Variants in TSPAN16 observed in about 807,000 individuals in gnomAD.
TSPAN16 encodes the protein tetraspanin-16.
Under a neutral mutation model 25.2 loss-of-function variants are expected in TSPAN16, and 23 were observed. That is an observed-to-expected ratio of 0.91 (90% CI 0.66 to 1.29). TSPAN16 has a LOEUF of 1.29. TSPAN16 is among the 50% of genes most tolerant of loss of function. TSPAN16 has a pLI of 0.00. For missense variants in TSPAN16, 272 were observed against 299.9 expected, an observed-to-expected ratio of 0.91 and a Z score of 0.69; for synonymous variants, 123 against 124.4, an observed-to-expected ratio of 0.99 and a Z score of 0.08.
downstream of TSPAN16, among the ~76,000 whole-genome samples, chr19:11,319,057 C>T (rs972582355): frequency 6.6e-6 from 1 of 152,216 alleles, no homozygotes; most frequent in African/African-American, 2.4e-5. Flanking sequence ...CAATTCAGTT[C>T]TGACACCAAT....
chr19:11,307,100 A>C (rs756445160), intron 5 of TSPAN16, among the ~76,000 whole-genome samples: 85 of 150,474 alleles, frequency 5.6e-4, no homozygotes, highest in South Asian at 1.3e-3. Flanking sequence ...GAGCTACTGT[A>C]CCCAGCCTTT....
chr19:11,300,960 T>C (rs2080539249), intron 3 of TSPAN16: 1 of 398,688 alleles, frequency 2.5e-6, no homozygotes, highest in Non-Finnish European at 4.7e-6. Flanking sequence ...TCGTGTGCGA[T>C]GGGTACAGAG....
downstream of TSPAN16, among the ~76,000 whole-genome samples, chr19:11,318,956 C>CT (rs891985168): frequency 1.4e-4 from 21 of 152,266 alleles, no homozygotes; most frequent in African/African-American, 4.3e-4. Flanking sequence ...CAGAAATAAA[C>CT]TTTTTTACCC....
Position 11,301,285 on chromosome 19 carries a change from C to A in TSPAN16, c.427C>A (p.Gln143Lys), listed in dbSNP as rs545360585. The A allele has an allele frequency of 1.2e-6, 2 of 1,613,608 alleles. No individual in the cohort carries two copies. The highest frequency in any genetic ancestry group is 1.7e-6 in the Non-Finnish European group (2 of 1,179,828). The change falls in exon 4 of 7, where the codon CAG (glutamine) becomes AAG (lysine). Residue 143 changes from glutamine (Q) to lysine (K), a missense_variant. By Grantham distance (53) the Gln-to-Lys change is moderately conservative. Transcript: ENST00000590327. ...GYNEPDDYST[Q>K]WNLVMEKLKC... ...CAACGAGCCAGACGACTATTCTACA[C>A]AGTGGAACTTGGTCATGGAGAAGGT... is the stretch of plus-strand genomic sequence containing the variant.
intron 5 of TSPAN16, among the ~76,000 whole-genome samples, chr19:11,307,477 G>A (rs1197785132): frequency 1.3e-5 from 2 of 150,690 alleles, no homozygotes; most frequent in African/African-American, 2.4e-5. Context: ...GGAGTGCAAT[G>A]GTGCAATCAC....
intron 6 of TSPAN16, chr19:11,325,107 G>T: frequency 3.2e-6 from 1 of 317,014 alleles, no homozygotes; most frequent in Non-Finnish European, 6.0e-6. Context: ...GTCACCCATG[G>T]CCACCCTCAA....
At chr19:11,320,654 T>C (rs527806523), downstream of TSPAN16, among the ~76,000 whole-genome samples, 577 of 136,178 alleles carry the variant, frequency 4.2e-3, 2 homozygotes, top group African/African-American at 0.015. Flanking sequence ...GCCAGGGCCA[T>C]ACGGCAAGAC....
chr19:11,320,559 GA>G (rs1409220603), downstream of TSPAN16, among the ~76,000 whole-genome samples: 4 of 151,952 alleles, frequency 2.6e-5, no homozygotes, highest in African/African-American at 9.7e-5. Context: ...TGTAGTTCCA[GA>G]AACTCAGGAG....
chr19:11,326,335 C>A (rs2080812783), intron 6 of TSPAN16, among the ~76,000 whole-genome samples: 1 of 152,086 alleles, frequency 6.6e-6, no homozygotes, highest in Non-Finnish European at 1.5e-5. Context: ...GAGCCATGAT[C>A]ACACCACTGC....
chr19:11,302,611 A>G (rs1383780861), intron 4 of TSPAN16, among the ~76,000 whole-genome samples: 3 of 146,240 alleles, frequency 2.1e-5, no homozygotes, highest in Non-Finnish European at 3.0e-5. Context: ...ATTTATATAC[A>G]TATGTATATA....
At chr19:11,299,395 G>A (rs1435432668) in intron 3 of TSPAN16, among the ~76,000 whole-genome samples, 2 of 152,238 alleles carry the variant, frequency 1.3e-5, no homozygotes, top group Middle Eastern at 3.4e-3. Flanking sequence ...CTTTGATGGT[G>A]TGAGAAGCTG....
At chr19:11,298,406 G>C in intron 2 of TSPAN16, 67 bp downstream of exon 2, 1 of 1,497,370 alleles carries the variant, frequency 6.7e-7, no homozygotes, top group Non-Finnish European at 9.1e-7. Context: ...TATTGTGCGT[G>C]TTGCAAACAA....
chr19:11,322,743 T>A (rs2080787661), intron 6 of TSPAN16: 1 of 152,224 alleles, frequency 6.6e-6, no homozygotes, highest in Admixed American at 6.5e-5. Context: ...CTACTTGAAG[T>A]TGAATTCTTG....
At chr19:11,303,590 A>AC (rs945431319) in intron 4 of TSPAN16, among the ~76,000 whole-genome samples, 4 of 147,700 alleles carry the variant, frequency 2.7e-5, no homozygotes, top group African/African-American at 5.0e-5. Flanking sequence ...AAAAAAAAAA[A>AC]AAAAAAACTC....
At position 11,315,789 on chromosome 19, in the gene TSPAN16, A is replaced by C. The variant is rs561548861; in HGVS notation, c.688-2A>C. The C allele has an allele frequency of 8.1e-7, 1 of 1,231,700 alleles. No individual in the cohort carries two copies. Among genetic ancestry groups the C allele is most frequent in the Non-Finnish European group, 1.0e-6 (1 of 987,826 alleles). 76.3% of individuals were successfully genotyped at this position (1,231,700 alleles called of 1,614,324 possible). A position where few individuals can be genotyped will look rare whatever the true frequency, so the allele number is the denominator to read the frequency against. On this transcript the variant is annotated splice_acceptor_variant, in intron 6 of 6. Transcript: ENST00000590327. LOFTEE classifies it high-confidence loss of function. The stretch of plus-strand genomic sequence containing the variant: ...CCATGTTTCTTTCTTCACGCATTTC[A>C]GTTGCCAGGAATTCTTGCCACTTTG...
intron 1 of TSPAN16, among the ~76,000 whole-genome samples, chr19:11,296,850 C>T (rs980809509): frequency 6.6e-6 from 1 of 151,830 alleles, no homozygotes; most frequent in African/African-American, 2.4e-5. Flanking sequence ...CAGCCTTGGT[C>T]AATATGGGGA....
At chr19:11,303,785 T>G (rs992022588) in intron 4 of TSPAN16, among the ~76,000 whole-genome samples, 1 of 151,308 alleles carries the variant, frequency 6.6e-6, no homozygotes, top group African/African-American at 2.5e-5. Flanking sequence ...TGTCATTTTC[T>G]GGGTTTGTTT....
chr19:11,306,108 A>G (rs1181990775), intron 4 of TSPAN16, among the ~76,000 whole-genome samples: 1 of 152,124 alleles, frequency 6.6e-6, no homozygotes, highest in Non-Finnish European at 1.5e-5. Flanking sequence ...TCTCTACTAA[A>G]AATACAAAAA....
At chr19:11,297,919 G>C (rs1002959635) in intron 1 of TSPAN16, among the ~76,000 whole-genome samples, 60 of 152,006 alleles carry the variant, frequency 3.9e-4, no homozygotes, top group African/African-American at 1.4e-3. Flanking sequence ...AGACACCTGA[G>C]TAGCTGAGAC....
Sources: gnomAD v4.1 joint callset for allele counts (sites outside exome capture counted in the v4.1 genomes callset) on GRCh38, gnomAD v4.1.1 for gene constraint, MANE v1.5 for transcripts, NCBI Gene and HGNC (gene_info 2026-07-23, HGNC 2026-07-21) for gene names.